LIMK2: variants seen among roughly 807,000 people sequenced by gnomAD.
LIMK2 encodes the protein LIM domain kinase 2.
Under a neutral mutation model 75.7 loss-of-function variants are expected in LIMK2, and 35 were observed. The ratio of observed to expected loss-of-function variants is 0.46; its 90% CI spans 0.35 to 0.61. The LOEUF (loss-of-function observed/expected upper bound fraction) is 0.61, where lower values mean the gene tolerates loss of function less well. Among genes scored for constraint, LIMK2 ranks in the 20% least tolerant of loss-of-function variants. The pLI is 0.00. For missense variants in LIMK2, 623 were observed against 831.0 expected (o/e 0.75, Z 3.08); for synonymous variants, 301 against 319.2 (o/e 0.94, Z 0.61).
chr22:31,232,051 C>G (rs757782699), intron 2 of LIMK2, among the ~76,000 whole-genome samples: 1 of 151,578 alleles, frequency 6.6e-6, no homozygotes, highest in African/African-American at 2.4e-5. Flanking sequence ...TGAACTCCAG[C>G]GATCCTCCTG....
chr22:31,268,921 A>G (rs2048925293), intron 11 of LIMK2, among the ~76,000 whole-genome samples: 1 of 152,216 alleles, frequency 6.6e-6, no homozygotes, highest in Non-Finnish European at 1.5e-5. Flanking sequence ...TGAAAATAGT[A>G]GTAGTCTGGA....
chr22:31,221,119 G>A (rs1364288406), intron 1 of LIMK2, among the ~76,000 whole-genome samples: 1 of 152,184 alleles, frequency 6.6e-6, no homozygotes, highest in African/African-American at 2.4e-5. Flanking sequence ...CTTTTGTAAG[G>A]AATGGTGAGA....
At chr22:31,225,293 G>A (rs2048468766) in intron 1 of LIMK2, among the ~76,000 whole-genome samples, 1 of 152,172 alleles carries the variant, frequency 6.6e-6, no homozygotes, top group Non-Finnish European at 1.5e-5. Context: ...AATAGGAAAA[G>A]GCAGTAACAT....
At chr22:31,244,657 A>G (rs1200650001) in intron 2 of LIMK2, among the ~76,000 whole-genome samples, 1 of 152,228 alleles carries the variant, frequency 6.6e-6, no homozygotes, top group Admixed American at 6.5e-5. Flanking sequence ...GGAGCTATTT[A>G]GAGACCTAAC....
At position 31,212,541 on chromosome 22, in the gene LIMK2, C is replaced by G. The variant is rs1407469257; in HGVS notation, c.16+117C>G. 8 of 1,050,500 alleles carry G rather than the reference C, an allele frequency of 7.6e-6. No homozygotes were observed. In the East Asian group the frequency reaches 1.8e-4, roughly 23 times the overall value. 65.1% of individuals were successfully genotyped at this position (1,050,500 alleles called of 1,614,324 possible). On this transcript the variant is annotated intron_variant, in intron 1 of 15. Transcript: ENST00000331728. ...CGGGCTGGTTGGGTCCTCGTGGGTC[C>G]GAGCTCCTCAGAAAAGCTGGGAGGC...
At chr22:31,247,461 C>T (rs2048681455) in intron 2 of LIMK2, among the ~76,000 whole-genome samples, 1 of 152,198 alleles carries the variant, frequency 6.6e-6, no homozygotes, top group African/African-American at 2.4e-5. Context: ...AGAAGCTCCA[C>T]TGTCCACTGA....
chr22:31,214,640 G>T (rs2048374943), intron 1 of LIMK2, among the ~76,000 whole-genome samples: 1 of 151,484 alleles, frequency 6.6e-6, no homozygotes, highest in Non-Finnish European at 1.5e-5. Context: ...AAAAATGCAA[G>T]TTTATGCTGA....
chr22:31,225,623 G>T, intron 1 of LIMK2, 97 bp from the exon 2 acceptor site: 1 of 859,798 alleles, frequency 1.2e-6, no homozygotes, highest in Non-Finnish European at 1.9e-6. Flanking sequence ...CCTTTCAAAT[G>T]AGATGCTGTT....
At chr22:31,215,572 C>T (rs2048383005) in intron 1 of LIMK2, among the ~76,000 whole-genome samples, 1 of 152,196 alleles carries the variant, frequency 6.6e-6, no homozygotes, top group Non-Finnish European at 1.5e-5. Flanking sequence ...AAGACTTCTG[C>T]AGTGTTCTTT....
intron 2 of LIMK2, among the ~76,000 whole-genome samples, chr22:31,242,641 T>C (rs1369064806): frequency 1.3e-5 from 2 of 152,248 alleles, no homozygotes; most frequent in South Asian, 4.1e-4. Context: ...ATTCCTAGTT[T>C]CAAGTTCATG....
In LIMK2 at chr22:31,230,194, C is replaced by CT. The variant is rs1205195590; in HGVS notation, c.116+4376dup. On this transcript the variant is annotated intron_variant, in intron 2 of 15. Transcript: ENST00000331728. ...AGCCCAGTAGGCCTTTTTTAAAACT[C>CT]TGAGTTACCTCTCTTTCCTTTCCTT... The CT allele has an allele frequency of 2.6e-5, 4 of 151,828 alleles. No individual in the cohort carries two copies. The South Asian group carries it at 8.3e-4, about 32-fold the overall frequency. 9.4% of individuals were successfully genotyped at this position (151,828 alleles called of 1,614,324 possible). A position where few individuals can be genotyped will look rare whatever the true frequency, so the allele number is the denominator to read the frequency against.
chr22:31,272,967 C>T lies in LIMK2; in HGVS notation c.1558+263C>T, dbSNP rs2123864074. 2.4e-6 allele frequency: 3 copies of T among 1,243,996 alleles called. No homozygotes were observed. The East Asian group carries it at 1.0e-4, about 43-fold the overall frequency. 77.1% of individuals were successfully genotyped at this position (1,243,996 alleles called of 1,614,324 possible). On this transcript the variant is annotated intron_variant, in intron 13 of 15. Coordinates refer to ENST00000331728, the MANE Select transcript of LIMK2 (RefSeq NM_005569.4). Reference sequence around the variant, plus strand: ...CCTCAGGGATCGCTAAGAGCTCAGGCTATTGTCCCAGCTTTAGCCTTCTCT... The same window carrying T: ...CCTCAGGGATCGCTAAGAGCTCAGGTTATTGTCCCAGCTTTAGCCTTCTCT...
intron 3 of LIMK2, chr22:31,258,627 T>C (rs777173273): frequency 3.9e-5 from 22 of 561,580 alleles, no homozygotes; most frequent in Middle Eastern, 3.1e-4. Flanking sequence ...GACTTAATAG[T>C]TGAACGTTGG....
intron 2 of LIMK2, among the ~76,000 whole-genome samples, chr22:31,251,654 T>C (rs2048726261): frequency 6.6e-6 from 1 of 151,980 alleles, no homozygotes; most frequent in South Asian, 2.1e-4. Flanking sequence ...ATTATGTGTT[T>C]GGTTAATTTT....
At chr22:31,274,302 AAC>A (rs902556211) in intron 14 of LIMK2, among the ~76,000 whole-genome samples, 1 of 152,130 alleles carries the variant, frequency 6.6e-6, no homozygotes, top group African/African-American at 2.4e-5. Flanking sequence ...CAGCGACTCA[AAC>A]ACACACACAT....
chr22:31,242,863 G>T (rs977609169), intron 2 of LIMK2, among the ~76,000 whole-genome samples: 1 of 152,230 alleles, frequency 6.6e-6, no homozygotes, highest in Non-Finnish European at 1.5e-5. Flanking sequence ...AAGTGAGCTT[G>T]TTCACATATG....
chr22:31,265,204 A>T (rs1027622698), intron 7 of LIMK2, among the ~76,000 whole-genome samples: 3 of 149,386 alleles, frequency 2.0e-5, no homozygotes, highest in Admixed American at 1.3e-4. Context: ...AAAAAAAAAA[A>T]AAAAAAAAAA....
At chr22:31,261,660 CAGG>C (rs1191154772) in intron 5 of LIMK2, among the ~76,000 whole-genome samples, 1 of 151,926 alleles carries the variant, frequency 6.6e-6, no homozygotes, top group Non-Finnish European at 1.5e-5. Flanking sequence ...CCCAGTTACT[CAGG>C]AGGCTGAGGC....
chr22:31,222,475 A>G (rs1273693391), intron 1 of LIMK2, among the ~76,000 whole-genome samples: 1 of 144,724 alleles, frequency 6.9e-6, no homozygotes, highest in African/African-American at 2.6e-5. Flanking sequence ...CCTGGGTTCA[A>G]GCGATTCTCC....
Sources: gnomAD v4.1 joint callset for allele counts (sites outside exome capture counted in the v4.1 genomes callset) on GRCh38, gnomAD v4.1.1 for gene constraint, MANE v1.5 for transcripts, NCBI Gene and HGNC (gene_info 2026-07-23, HGNC 2026-07-21) for gene names.